Variants in PLPPR2 observed in about 807,000 individuals in gnomAD.
PLPPR2 encodes phospholipid phosphatase related 2, also known as phospholipid phosphatase-related protein type 2.
PLPPR2 carries 11 observed loss-of-function variants against 40.3 expected under a neutral mutation model. That is an observed-to-expected ratio of 0.27 (90% CI 0.17 to 0.45). PLPPR2 has a LOEUF of 0.45. Ranked by LOEUF, PLPPR2 falls within the 20% of genes least tolerant of loss-of-function variation. The pLI is 1.00. For missense variants in PLPPR2, 497 were observed against 640.7 expected (o/e 0.78, Z 2.42); for synonymous variants, 260 against 290.8 (o/e 0.89, Z 1.08).
intron 5 of PLPPR2, among the ~76,000 whole-genome samples, chr19:11,360,287 A>C (rs77379920): frequency 6.2e-5 from 7 of 112,298 alleles, no homozygotes; most frequent in Non-Finnish European, 1.2e-4. Context: ...ACTCCGTCTC[A>C]AAAAAAAAAA....
rs200589087 is a variant in PLPPR2, at chr19:11,357,733, C to T, written c.60C>T (p.Phe20=). Residue 20 remains phenylalanine, a synonymous_variant, in exon 3 of 10, where the codon TTC becomes TTT. Transcript: ENST00000688289. ...RSFSIIPCFV[F]VESVLLGIVI... ...TCTCCATCATCCCCTGCTTTGTCTT[C>T]GTGGAGGTGAGGACCCCCGTACCTC... The T allele has an allele frequency of 9.6e-5, 154 of 1,604,578 alleles. No individual in the cohort carries two copies. Among genetic ancestry groups the T allele is most frequent in the Non-Finnish European group, 1.3e-4 (148 of 1,175,204 alleles).
Position 11,364,978 on chromosome 19 carries a change from G to A in PLPPR2, c.*288G>A, listed in dbSNP as rs760668082. 50 of 470,704 alleles carry A rather than the reference G, an allele frequency of 1.1e-4. No homozygotes were observed. Among genetic ancestry groups the A allele is most frequent in the Non-Finnish European group, 1.7e-4 (46 of 267,004 alleles). The allele number at this position is 470,704 out of a possible 1,614,324, so 29.2% of individuals were successfully genotyped here. On this transcript the variant is annotated 3_prime_UTR_variant, in exon 10 of 10. Transcript: ENST00000688289. The surrounding 1 kb of genome is among the most constrained non-coding windows in gnomAD (Gnocchi z 5.8). ...GGCTAATGAGAACCCCTGGTTCTCA[G>A]AATTTTAACCAAAAGGAGTTGGCTC...
chr19:11,359,774 G>A lies in PLPPR2; in HGVS notation c.256-47G>A. 6.3e-7 allele frequency: 1 copy of A among 1,585,644 alleles called. No individual in the cohort carries two copies. The highest frequency in any genetic ancestry group is 8.6e-7 in the Non-Finnish European group (1 of 1,160,544). On this transcript the variant is annotated intron_variant, in intron 4 of 9. Coordinates refer to ENST00000688289, the MANE Select transcript of PLPPR2 (RefSeq NM_001393892.1). The surrounding 1 kb of genome is among the most constrained non-coding windows in gnomAD (Gnocchi z 5.6). Reference sequence around the variant, plus strand: ...AGGTGGGCCGGTAAGGGTGGGTGAGGGGATGGGCTGGAAGGCCAGAAGACT... The same window carrying A: ...AGGTGGGCCGGTAAGGGTGGGTGAGAGGATGGGCTGGAAGGCCAGAAGACT...
chr19:11,356,028 C>T (rs1352199905), intron 1 of PLPPR2, among the ~76,000 whole-genome samples: 4 of 151,330 alleles, frequency 2.6e-5, no homozygotes, highest in Admixed American at 2.0e-4. Context: ...TCTTGGTGTT[C>T]GTGTGGTTGT....
chr19:11,360,158 C>G (rs1399548187), intron 5 of PLPPR2, among the ~76,000 whole-genome samples: 1 of 152,144 alleles, frequency 6.6e-6, no homozygotes, highest in East Asian at 1.9e-4. Context: ...TGGCGAAACC[C>G]TGTCTGTACT....
Position 11,361,565 on chromosome 19 carries a change from T to C in PLPPR2, c.663+77T>C. Reference sequence around the variant, plus strand: ...ACCAGCAGCTAGGAAGCCGCCAGGGTTGGAGCCTCTGCTCTTCCACGCCCC... The same window carrying C: ...ACCAGCAGCTAGGAAGCCGCCAGGGCTGGAGCCTCTGCTCTTCCACGCCCC... On this transcript the variant is annotated intron_variant, in intron 6 of 9. Coordinates refer to ENST00000688289, the MANE Select transcript of PLPPR2 (RefSeq NM_001393892.1). The surrounding 1 kb of genome is among the most constrained non-coding windows in gnomAD (Gnocchi z 6.3). The C allele has an allele frequency of 6.6e-7, 1 of 1,523,710 alleles. No homozygotes were observed. The highest frequency in any genetic ancestry group is 8.8e-7 in the Non-Finnish European group (1 of 1,139,080). 94.4% of individuals were successfully genotyped at this position (1,523,710 alleles called of 1,614,324 possible).
intron 3 of PLPPR2, among the ~76,000 whole-genome samples, chr19:11,358,486 G>A (rs1364718523): frequency 6.6e-6 from 1 of 152,020 alleles, no homozygotes; most frequent in East Asian, 1.9e-4. Flanking sequence ...TTCCATGTGG[G>A]AGAGTCTCTC....
rs751502701 is a variant in PLPPR2 at position 11,364,299 on chromosome 19, T to G, written c.1016-48T>G. ...AGAGGTCTCACCTAGGCCTTTATGC[T>G]GCCTCCCGAGTTTTCTGATCCCCTG... On this transcript the variant is annotated intron_variant, in intron 9 of 9. Transcript: ENST00000688289. The surrounding 1 kb of genome is among the most constrained non-coding windows in gnomAD (Gnocchi z 5.8). The G allele has an allele frequency of 4.0e-5, 61 of 1,530,494 alleles. No homozygotes were observed. The highest frequency in any genetic ancestry group is 5.0e-5 in the Non-Finnish European group (57 of 1,138,886). 94.8% of individuals were successfully genotyped at this position (1,530,494 alleles called of 1,614,324 possible). A position where few individuals can be genotyped will look rare whatever the true frequency, so the allele number is the denominator to read the frequency against.
At position 11,364,718 on chromosome 19, in the gene PLPPR2, C is replaced by G; in HGVS notation, c.*28C>G. On this transcript the variant is annotated 3_prime_UTR_variant, in exon 10 of 10. Coordinates refer to ENST00000688289, the MANE Select transcript of PLPPR2 (RefSeq NM_001393892.1). The surrounding 1 kb of genome is among the most constrained non-coding windows in gnomAD (Gnocchi z 5.8). ...CCCGACCACCCACCCAGAATCTGCC[C>G]AGTCCCCACTTCTTCCCTGCCACGC... 6.5e-7 allele frequency: 1 copy of G among 1,536,772 alleles called. No individual in the cohort carries two copies. Among genetic ancestry groups the G allele is most frequent in the Non-Finnish European group, 8.7e-7 (1 of 1,146,628 alleles).
intron 3 of PLPPR2, among the ~76,000 whole-genome samples, chr19:11,358,708 C>G (rs575358429): frequency 3.3e-5 from 5 of 151,252 alleles, no homozygotes; most frequent in African/African-American, 1.2e-4. Flanking sequence ...CTTTCCCTCC[C>G]TCCCTCTCTC....
At position 11,359,746 on chromosome 19, in the gene PLPPR2, G is replaced by A. The variant is rs371680989; in HGVS notation, c.255+26G>A. On this transcript the variant is annotated intron_variant, in intron 4 of 9. Transcript: ENST00000688289. The surrounding 1 kb of genome is among the most constrained non-coding windows in gnomAD (Gnocchi z 5.6). ...GTGAGACAATGAAGACCTCCTAGGA[G>A]GCAGGTGGGCCGGTAAGGGTGGGTG... 2 of 1,579,088 alleles carry A rather than the reference G, an allele frequency of 1.3e-6. No individual in the cohort carries two copies. Among genetic ancestry groups the A allele is most frequent in the Non-Finnish European group, 1.7e-6 (2 of 1,156,612 alleles).
At chr19:11,357,298 C>T (rs1341120166) in intron 2 of PLPPR2, among the ~76,000 whole-genome samples, 1 of 151,914 alleles carries the variant, frequency 6.6e-6, no homozygotes, top group African/African-American at 2.4e-5. Context: ...TAGTGGGGAC[C>T]CTTCTAAGTG....
Position 11,364,834 on chromosome 19 carries a change from A to C in PLPPR2, c.*144A>C. On this transcript the variant is annotated 3_prime_UTR_variant, in exon 10 of 10. Transcript: ENST00000688289. This position sits in a 1 kb window ranked among gnomAD's most constrained non-coding sequence, Gnocchi z 5.8. Reference sequence around the variant, plus strand: ...TTAGAAGATGGCTAGAAGGACATTTAGGAGACATCTGCCTCTCTGGCCCTC... The same window carrying C: ...TTAGAAGATGGCTAGAAGGACATTTCGGAGACATCTGCCTCTCTGGCCCTC... 1.1e-6 allele frequency: 1 copy of C among 912,584 alleles called. No individual in the cohort carries two copies. Among genetic ancestry groups the C allele is most frequent in the Non-Finnish European group, 1.7e-6 (1 of 603,804 alleles). The allele number at this position is 912,584 out of a possible 1,614,324, so 56.5% of individuals were successfully genotyped here. A position where few individuals can be genotyped will look rare whatever the true frequency, so the allele number is the denominator to read the frequency against.
At position 11,361,125 on chromosome 19, in the gene PLPPR2, C is replaced by A. The variant is rs1305237082; in HGVS notation, c.392-92C>A. 4 of 1,463,738 alleles carry A rather than the reference C, an allele frequency of 2.7e-6. No individual in the cohort carries two copies. The African/African-American group carries it at 5.6e-5, about 20-fold the overall frequency. The allele number at this position is 1,463,738 out of a possible 1,614,324, so 90.7% of individuals were successfully genotyped here. On this transcript the variant is annotated intron_variant, in intron 5 of 9. Transcript: ENST00000688289. This position sits in a 1 kb window ranked among gnomAD's most constrained non-coding sequence, Gnocchi z 6.3. ...CAGGGTCCCAAGTGTGCTTTAATGA[C>A]AGTCACAGGAAAAGGGAGCTAAGAG...
Position 11,364,384 on chromosome 19 carries a change from C to A in PLPPR2, c.1053C>A (p.Pro351=). 1 of 1,519,614 alleles carries A rather than the reference C, an allele frequency of 6.6e-7. No individual in the cohort carries two copies. Among genetic ancestry groups the A allele is most frequent in the Non-Finnish European group, 8.8e-7 (1 of 1,134,742 alleles). The allele number at this position is 1,519,614 out of a possible 1,614,324, so 94.1% of individuals were successfully genotyped here. A position where few individuals can be genotyped will look rare whatever the true frequency, so the allele number is the denominator to read the frequency against. The change falls in exon 10 of 10, where the codon CCC becomes CCA. Residue 351 remains proline (P), a synonymous_variant. Coordinates refer to ENST00000688289, the MANE Select transcript of PLPPR2 (RefSeq NM_001393892.1). The surrounding 1 kb of genome is among the most constrained non-coding windows in gnomAD (Gnocchi z 5.8). ...GCGCCCGCCGTGGCCACCTGATCCC[C>A]AGCTGTGTCTCCTCCAGGGCCCCAG... ...QNCARRGHLI[P]SCVSSRAPAM...
Position 11,355,567 on chromosome 19 carries a change from G to C in PLPPR2, c.-195G>C, listed in dbSNP as rs890915131. On this transcript the variant is annotated 5_prime_UTR_variant, in exon 1 of 10. Transcript: ENST00000688289. Reference sequence around the variant, plus strand: ...CGGGGGCTCAGGCGGCGGCGGCCTCGACGCGGTGAGAGGAGGGGGTGGGGG... The same window carrying C: ...CGGGGGCTCAGGCGGCGGCGGCCTCCACGCGGTGAGAGGAGGGGGTGGGGG... The C allele has an allele frequency of 1.3e-5, 2 of 152,234 alleles. No individual in the cohort carries two copies. The highest frequency in any genetic ancestry group is 2.9e-5 in the Non-Finnish European group (2 of 68,066). 9.4% of individuals were successfully genotyped at this position (152,234 alleles called of 1,614,324 possible). A position where few individuals can be genotyped will look rare whatever the true frequency, so the allele number is the denominator to read the frequency against.
chr19:11,363,876 T>C lies in PLPPR2; in HGVS notation c.963+41T>C. 1 of 1,593,416 alleles carries C rather than the reference T, an allele frequency of 6.3e-7. No individual in the cohort carries two copies. Among genetic ancestry groups the C allele is most frequent in the Non-Finnish European group, 8.6e-7 (1 of 1,168,504 alleles). On this transcript the variant is annotated intron_variant, in intron 8 of 9. Transcript: ENST00000688289. This position sits in a 1 kb window ranked among gnomAD's most constrained non-coding sequence, Gnocchi z 4.8. ...GGCTGCTCCCGGCTGGAGAGGGTGG[T>C]GGGTGGAGGGGGCCAAGGAGACAGG... is the stretch of plus-strand genomic sequence containing the variant.
Position 11,363,884 on chromosome 19 carries a change from G to T in PLPPR2, c.963+49G>T. Reference sequence around the variant, plus strand: ...CCGGCTGGAGAGGGTGGTGGGTGGAGGGGGCCAAGGAGACAGGAAGGAAGT... The same window carrying T: ...CCGGCTGGAGAGGGTGGTGGGTGGATGGGGCCAAGGAGACAGGAAGGAAGT... On this transcript the variant is annotated intron_variant, in intron 8 of 9. Coordinates refer to ENST00000688289, the MANE Select transcript of PLPPR2 (RefSeq NM_001393892.1). The surrounding 1 kb of genome is among the most constrained non-coding windows in gnomAD (Gnocchi z 4.8). The T allele has an allele frequency of 1.3e-6, 2 of 1,578,980 alleles. No individual in the cohort carries two copies. Among genetic ancestry groups the T allele is most frequent in the Non-Finnish European group, 1.7e-6 (2 of 1,160,618 alleles).
In PLPPR2 at chr19:11,362,337, T is replaced by G; in HGVS notation, c.664-176T>G. On this transcript the variant is annotated intron_variant, in intron 6 of 9. Transcript: ENST00000688289. The surrounding 1 kb of genome is among the most constrained non-coding windows in gnomAD (Gnocchi z 5.3). ...ATCCCTGACCCCCCCCCCTTTGCCTTTTTGGTCACGCTCCCTGGAAAAGCC... is the reference window on the plus strand; with the variant it reads ...ATCCCTGACCCCCCCCCCTTTGCCTGTTTGGTCACGCTCCCTGGAAAAGCC... The G allele has an allele frequency of 2.2e-4, 92 of 410,102 alleles. No individual in the cohort carries two copies. Among genetic ancestry groups the G allele is most frequent in the East Asian group, 3.3e-4 (6 of 18,386 alleles). The allele number at this position is 410,102 out of a possible 1,614,324, so 25.4% of individuals were successfully genotyped here.
Sources: allele counts gnomAD v4.1 joint callset (sites outside exome capture counted in the v4.1 genomes callset), GRCh38; gene constraint gnomAD v4.1.1; non-coding constraint Gnocchi (gnomAD v3.1); transcripts MANE v1.5; gene names NCBI Gene and HGNC (gene_info 2026-07-23, HGNC 2026-07-21).